The following CDH13 variants were observed in gnomAD, a reference collection of about 807,000 sequenced individuals.
CDH13 encodes the protein cadherin 13.
Under a neutral mutation model 63.8 loss-of-function variants are expected in CDH13, and 24 were observed. That is an observed-to-expected ratio of 0.38 (90% CI 0.27 to 0.53). The LOEUF (loss-of-function observed/expected upper bound fraction) is 0.53, where lower values mean the gene tolerates loss of function less well. Ranked by LOEUF, CDH13 falls within the 20% of genes least tolerant of loss-of-function variation. The pLI, the probability that CDH13 is intolerant of heterozygous loss-of-function variation, is 0.85. For synonymous variants in CDH13, 503 were observed against 355.3 expected, an observed-to-expected ratio of 1.42 and a Z score of -4.67; for missense variants, 1,049 against 903.1, an observed-to-expected ratio of 1.16 and a Z score of -2.07.
intron 5 of CDH13, among the ~76,000 whole-genome samples, chr16:83,244,311 C>G (rs141560132): frequency 6.6e-6 from 1 of 152,098 alleles, no homozygotes; most frequent in African/African-American, 2.4e-5. Context: ...TAACAAACAT[C>G]TAGTGATGGT....
At chr16:82,757,773 C>G (rs1228900587) in intron 1 of CDH13, among the ~76,000 whole-genome samples, 1 of 151,732 alleles carries the variant, frequency 6.6e-6, no homozygotes, top group Non-Finnish European at 1.5e-5. Context: ...TTCGGAGTAG[C>G]TGGGACTATA....
chr16:83,591,254 G>A (rs770198469), intron 7 of CDH13, among the ~76,000 whole-genome samples: 7 of 152,162 alleles, frequency 4.6e-5, no homozygotes, highest in Non-Finnish European at 7.3e-5. Context: ...TATGTCTTAC[G>A]TACCTGCTAT....
intron 2 of CDH13, among the ~76,000 whole-genome samples, chr16:82,891,528 G>A (rs1273172840): frequency 6.6e-6 from 1 of 152,150 alleles, no homozygotes; most frequent in Non-Finnish European, 1.5e-5. Context: ...CCCACCTATT[G>A]AGTACACTGC....
At chr16:83,477,638 G>T (rs1192690096) in intron 6 of CDH13, among the ~76,000 whole-genome samples, 1 of 152,188 alleles carries the variant, frequency 6.6e-6, no homozygotes, top group Non-Finnish European at 1.5e-5. Context: ...GTGGGAGGAG[G>T]AAGGGCAAAA....
chr16:83,479,705 G>A (rs1210488153), intron 6 of CDH13, among the ~76,000 whole-genome samples: 3 of 152,108 alleles, frequency 2.0e-5, no homozygotes, highest in Non-Finnish European at 4.4e-5. Flanking sequence ...CCTGGCATTG[G>A]ACTTTATATA....
At chr16:83,258,210 A>G (rs1225554952) in intron 5 of CDH13, among the ~76,000 whole-genome samples, 1 of 152,244 alleles carries the variant, frequency 6.6e-6, no homozygotes, top group Non-Finnish European at 1.5e-5. Flanking sequence ...GCATAGCTCT[A>G]CAGAGGCATA....
At chr16:82,727,288 A>G (rs1246478130) in intron 1 of CDH13, among the ~76,000 whole-genome samples, 1 of 152,162 alleles carries the variant, frequency 6.6e-6, no homozygotes, top group African/African-American at 2.4e-5. Context: ...TTGCAGTTGT[A>G]AAATGTGCCT....
rs8064202 is a variant in CDH13 at position 83,180,518 on chromosome 16, A to C, written c.484-36827A>C. Among the ~76,000 whole-genome samples, 272 of 152,324 alleles carry C rather than the reference A, an allele frequency of 1.8e-3. 2 individuals are homozygous for C. Among genetic ancestry groups the C allele is most frequent in the African/African-American group, 6.3e-3 (262 of 41,578 alleles). On this transcript the variant is annotated intron_variant, in intron 4 of 13. Coordinates refer to ENST00000567109, the MANE Select transcript of CDH13 (RefSeq NM_001257.5). ...CTCACCTTTTGGTGGTAGCTAACTG[A>C]AATGACATCAGATCTGTAAAGAAGT...
At chr16:83,477,614 T>A (rs1400789929) in intron 6 of CDH13, among the ~76,000 whole-genome samples, 4 of 152,166 alleles carry the variant, frequency 2.6e-5, no homozygotes, top group African/African-American at 9.7e-5. Context: ...AATTTTTCTG[T>A]TCCAAACAGG....
intron 1 of CDH13, among the ~76,000 whole-genome samples, chr16:82,776,382 A>T (rs1390018027): frequency 6.6e-6 from 1 of 152,212 alleles, no homozygotes; most frequent in Non-Finnish European, 1.5e-5. Flanking sequence ...ATGCAAAAAA[A>T]CCCAGTGCAG....
chr16:83,713,454 G>C (rs1013878856), intron 10 of CDH13, among the ~76,000 whole-genome samples: 2 of 151,868 alleles, frequency 1.3e-5, no homozygotes, highest in South Asian at 2.1e-4. Context: ...ATTTTGAAGG[G>C]GGAAAACACG....
At chr16:83,523,711 G>A (rs4496127) in intron 7 of CDH13, among the ~76,000 whole-genome samples, 27,129 of 152,226 alleles carry the variant, frequency 0.18, 2,690 homozygotes, top group Middle Eastern at 0.27. Flanking sequence ...CAGTGGGCAT[G>A]TCCGGTTGCA....
At chr16:83,411,863 G>A (rs999595243) in intron 6 of CDH13, among the ~76,000 whole-genome samples, 2 of 152,288 alleles carry the variant, frequency 1.3e-5, no homozygotes, top group East Asian at 3.9e-4. Context: ...CTCATAACAA[G>A]TTTATAAGGT....
intron 11 of CDH13, among the ~76,000 whole-genome samples, chr16:83,776,953 C>A (rs1915156548): frequency 1.7e-5 from 2 of 118,692 alleles, no homozygotes; most frequent in African/African-American, 7.1e-5. Flanking sequence ...GGCACTTCCG[C>A]CAAGCTGCAC....
At position 83,661,682 on chromosome 16, in the gene CDH13, G is replaced by T. The variant is rs149680739; in HGVS notation, c.1102-9108G>T. 6.6e-5 allele frequency among the ~76,000 whole-genome samples: 10 copies of T among 152,256 alleles called. No homozygotes were observed. The East Asian group carries it at 1.9e-3, about 29-fold the overall frequency. The stretch of plus-strand genomic sequence containing the variant: ...TTGCATATGTGCAGTTCTGTATTTG[G>T]TGTAGACAGGGTCATGTAGAGGAAG... On this transcript the variant is annotated intron_variant, in intron 8 of 13. Transcript: ENST00000567109.
chr16:83,429,971 C>T (rs1215591592), intron 6 of CDH13, among the ~76,000 whole-genome samples: 1 of 152,152 alleles, frequency 6.6e-6, no homozygotes, highest in South Asian at 2.1e-4. Context: ...CAGCCCCTGG[C>T]AACCACCATT....
chr16:82,955,451 G>A (rs1373411848), intron 2 of CDH13, among the ~76,000 whole-genome samples: 1 of 152,200 alleles, frequency 6.6e-6, no homozygotes, highest in African/African-American at 2.4e-5. Context: ...TATCCATTTA[G>A]TTTATGATTA....
intron 1 of CDH13, among the ~76,000 whole-genome samples, chr16:82,712,116 C>A (rs979765507): frequency 6.6e-6 from 1 of 152,096 alleles, no homozygotes; most frequent in Non-Finnish European, 1.5e-5. Flanking sequence ...AAAAAACTTA[C>A]CAGCAAACAA....
intron 1 of CDH13, among the ~76,000 whole-genome samples, chr16:82,765,479 A>G (rs576768238): frequency 4.6e-5 from 7 of 152,270 alleles, no homozygotes; most frequent in African/African-American, 1.4e-4. Context: ...TTCCAACTGA[A>G]AATCCGCTGA....
Sources: allele counts gnomAD v4.1 joint callset (sites outside exome capture counted in the v4.1 genomes callset), GRCh38; gene constraint gnomAD v4.1.1; transcripts MANE v1.5; gene names NCBI Gene and HGNC (gene_info 2026-07-23, HGNC 2026-07-21).